Variants in FAH observed in about 807,000 individuals in gnomAD.
FAH encodes fumarylacetoacetate hydrolase.
In FAH, 47 loss-of-function variants were observed where a neutral mutation model predicts 55.8. The observed-to-expected ratio is 0.84, with a 90% CI of 0.67 to 1.07. The LOEUF is 1.07. FAH is among the 50% of genes least tolerant of loss of function. The probability of loss-of-function intolerance (pLI) is 0.00; values close to 1 mark genes in which losing one functional copy is unlikely to be tolerated. For synonymous variants in FAH, 199 were observed against 207.7 expected (o/e 0.96, Z 0.36); for missense variants, 495 against 545.9 (o/e 0.91, Z 0.93).
chr15:80,171,628 T>C (rs1293036137), intron 7 of FAH, among the ~76,000 whole-genome samples: 1 of 151,986 alleles, frequency 6.6e-6, no homozygotes, highest in African/African-American at 2.4e-5. Flanking sequence ...GCCTGGCTAA[T>C]TTTGTTTATT....
At chr15:80,176,997 C>A (rs928516943) in intron 10 of FAH, among the ~76,000 whole-genome samples, 1 of 152,192 alleles carries the variant, frequency 6.6e-6, no homozygotes, top group African/African-American at 2.4e-5. Flanking sequence ...GAGGAGCTTT[C>A]TACTTATTAG....
At position 80,172,188 on chromosome 15, in the gene FAH, A is replaced by C. The variant is rs2041246877; in HGVS notation, c.646A>C (p.Ile216Leu). 1.2e-6 allele frequency: 2 copies of C among 1,614,124 alleles called. No homozygotes were observed. The highest frequency in any genetic ancestry group is 8.5e-7 in the Non-Finnish European group (1 of 1,180,000). ...VGPGNRLGEPIPISKAHEHIF... is the reference protein window; with the variant it reads ...VGPGNRLGEPLPISKAHEHIF... ...CCCTGGAAACAGATTGGGAGAGCCG[A>C]TCCCCATTTCCAAGGCCCATGAGCA... Residue 216 changes from isoleucine (I) to leucine (L), a missense_variant, in exon 8 of 14, where the codon ATC becomes CTC. By Grantham distance (5) the Ile-to-Leu change is conservative. Coordinates refer to ENST00000561421, the MANE Select transcript of FAH (RefSeq NM_000137.4).
chr15:80,155,087 C>G (rs2041087070), intron 1 of FAH, among the ~76,000 whole-genome samples: 1 of 152,226 alleles, frequency 6.6e-6, no homozygotes, highest in African/African-American at 2.4e-5. Context: ...TCCTTCTGCT[C>G]TCTATATGCT....
In FAH at chr15:80,159,830, G is replaced by C. The variant is rs33929922; in HGVS notation, c.267G>C (p.Leu89=). The change falls in exon 3 of 14, where the codon CTG becomes CTC. Residue 89 remains leucine, a synonymous_variant. Coordinates refer to ENST00000561421, the MANE Select transcript of FAH (RefSeq NM_000137.4). ...KEARVFLQNL[L]SVSQARLRDD... ...CGAGAGTGTTCTTGCAGAACTTGCTGTCTGTGAGCCAAGCCAGGCTCAGAG... is the reference window on the plus strand; with the variant it reads ...CGAGAGTGTTCTTGCAGAACTTGCTCTCTGTGAGCCAAGCCAGGCTCAGAG... The C allele has an allele frequency of 0.08, 128,726 of 1,614,142 alleles. 5,166 individuals carry two copies. Among genetic ancestry groups the C allele is most frequent in the South Asian group, 0.089 (8,083 of 91,090 alleles).
At chr15:80,184,328 C>T (rs1337212467) in intron 13 of FAH, among the ~76,000 whole-genome samples, 1 of 152,060 alleles carries the variant, frequency 6.6e-6, no homozygotes, top group African/African-American at 2.4e-5. Flanking sequence ...TCAGTGGTGG[C>T]GTCTTTCACC....
intron 11 of FAH, among the ~76,000 whole-genome samples, chr15:80,178,810 G>A (rs780870253): frequency 2.0e-5 from 3 of 151,554 alleles, no homozygotes; most frequent in Non-Finnish European, 4.4e-5. Flanking sequence ...GGATGGTCTC[G>A]ATCTCCTGAC....
At chr15:80,180,076 A>T in intron 11 of FAH, 48 bp from the exon 12 acceptor site, 1 of 1,470,592 alleles carries the variant, frequency 6.8e-7, no homozygotes, top group Non-Finnish European at 9.4e-7. Context: ...CCGGGATGCT[A>T]GGCTAAGCCT....
chr15:80,180,955 G>A (rs1307862090), intron 12 of FAH, 87 bp from the exon 13 acceptor site: 8 of 1,106,752 alleles, frequency 7.2e-6, no homozygotes, highest in East Asian at 5.0e-5. Context: ...GCCACTTCTC[G>A]GGACTCCCAG....
chr15:80,175,196 T>C, intron 10 of FAH, 105 bp downstream of exon 10: 1 of 1,003,798 alleles, frequency 1.0e-6, no homozygotes, highest in Non-Finnish European at 1.6e-6. Flanking sequence ...GGGCACGTGC[T>C]ACAGCCCTGG....
In FAH at chr15:80,179,704, C is replaced by T. The variant is rs60112464; in HGVS notation, c.961-420C>T. On this transcript the variant is annotated intron_variant, in intron 11 of 13. Transcript: ENST00000561421. ...AGAATGGGAGCGAGGGCTTTGCTCA[C>T]GAGAAGCCTCTGCTGTGGTGTGGAC... 6.8e-3 allele frequency among the ~76,000 whole-genome samples: 1,036 copies of T among 152,274 alleles called. 15 individuals carry two copies. Among genetic ancestry groups the T allele is most frequent in the African/African-American group, 0.023 (970 of 41,552 alleles).
intron 5 of FAH, chr15:80,162,956 C>G (rs2041161229): frequency 5.8e-6 from 1 of 172,258 alleles, no homozygotes; most frequent in South Asian, 1.3e-4. Context: ...TCTGTGTTGT[C>G]CCCTGGATGT....
chr15:80,166,053 A>T (rs2041188991), intron 5 of FAH: 1 of 152,220 alleles, frequency 6.6e-6, no homozygotes, highest in South Asian at 2.1e-4. Flanking sequence ...AACAGAACTC[A>T]ACCACCTATG....
intron 12 of FAH, among the ~76,000 whole-genome samples, 196 bp from the exon 13 acceptor site, chr15:80,180,846 C>G (rs1010990618): frequency 6.6e-6 from 1 of 152,100 alleles, no homozygotes; most frequent in Non-Finnish European, 1.5e-5. Context: ...CATTGCTGTC[C>G]CCACAGGAAG....
intron 7 of FAH, among the ~76,000 whole-genome samples, chr15:80,170,148 G>A (rs572576273): frequency 1.3e-5 from 2 of 152,360 alleles, no homozygotes; most frequent in South Asian, 4.1e-4. Flanking sequence ...CGGGGACCTG[G>A]CAGGGTCTTC....
intron 8 of FAH, among the ~76,000 whole-genome samples, chr15:80,172,517 G>T (rs1184469126): frequency 2.6e-5 from 4 of 152,064 alleles, no homozygotes; most frequent in African/African-American, 9.7e-5. Context: ...CAGGCCCTGT[G>T]CTTAACACCC....
intron 11 of FAH, among the ~76,000 whole-genome samples, chr15:80,178,022 A>C (rs906808802): frequency 1.3e-5 from 2 of 152,130 alleles, no homozygotes; most frequent in Non-Finnish European, 2.9e-5. Flanking sequence ...CAACATAATG[A>C]GACCTTGTCT....
chr15:80,177,636 T>C, intron 11 of FAH, 53 bp downstream of exon 11: 3 of 1,497,032 alleles, frequency 2.0e-6, no homozygotes, highest in Non-Finnish European at 2.8e-6. Context: ...AAAGAGAGAC[T>C]TTTCTTCCTG....
chr15:80,180,224 C>A lies in FAH; in HGVS notation c.1061C>A (p.Pro354Gln), dbSNP rs143326948. 2 of 1,604,366 alleles carry A rather than the reference C, an allele frequency of 1.2e-6. No homozygotes were observed. Among genetic ancestry groups the A allele is most frequent in the South Asian group, 1.1e-5 (1 of 91,060 alleles). ...CTGGCTTCTGGGACCATCAGCGGGCCGGTGAGTATCTGGCTGCACTGAGGG... is the reference window on the plus strand; with the variant it reads ...CTGGCTTCTGGGACCATCAGCGGGCAGGTGAGTATCTGGCTGCACTGAGGG... ...DLLASGTISGPEPENFGSMLE... is the reference protein window; with the variant it reads ...DLLASGTISGQEPENFGSMLE... The change falls in exon 12 of 14, where the codon CCG becomes CAG. Residue 354 changes from proline to glutamine, a missense_variant and splice_region_variant. Transcript: ENST00000561421.
chr15:80,159,667 C>G (rs1276442469), intron 2 of FAH, 89 bp from the exon 3 acceptor site: 1 of 1,502,512 alleles, frequency 6.7e-7, no homozygotes. Context: ...GTGGCAAGGG[C>G]TGGCAGGCTG....
Sources: allele counts gnomAD v4.1 joint callset (sites outside exome capture counted in the v4.1 genomes callset), GRCh38; gene constraint gnomAD v4.1.1; transcripts MANE v1.5; gene names NCBI Gene and HGNC (gene_info 2026-07-23, HGNC 2026-07-21).